Variants in PTK2 observed in about 807,000 individuals in gnomAD.
The protein encoded by PTK2 is focal adhesion kinase 1.
A neutral mutation model predicts 150.1 loss-of-function variants in PTK2; 45 were observed. That is an observed-to-expected ratio of 0.30 (90% CI 0.24 to 0.38). The LOEUF is 0.38. Among genes scored for constraint, PTK2 ranks in the 10% least tolerant of loss-of-function variants. PTK2 has a pLI of 1.00. For missense variants in PTK2, 919 were observed against 1,307.3 expected (o/e 0.70, Z 4.58); for synonymous variants, 432 against 449.2 (o/e 0.96, Z 0.48).
intron 4 of PTK2, among the ~76,000 whole-genome samples, chr8:140,866,201 C>G (rs752009413): frequency 2.6e-5 from 4 of 152,154 alleles, no homozygotes; most frequent in African/African-American, 9.7e-5. Flanking sequence ...TTCCAGTCAA[C>G]GATTCAAACA....
At chr8:140,796,574 C>G (rs1409873242) in intron 12 of PTK2, among the ~76,000 whole-genome samples, 1 of 152,100 alleles carries the variant, frequency 6.6e-6, no homozygotes, top group African/African-American at 2.4e-5. Context: ...AGGAGACTTT[C>G]TAAGTAGCTG....
intron 2 of PTK2, among the ~76,000 whole-genome samples, chr8:140,902,944 T>TTTG (rs2100159293): frequency 7.2e-6 from 1 of 139,412 alleles, no homozygotes; most frequent in Non-Finnish European, 1.5e-5. Flanking sequence ...TTTTTTTTTT[T>TTTG]TTTTTTTTTT....
intron 22 of PTK2, among the ~76,000 whole-genome samples, chr8:140,725,553 G>A (rs529614040): frequency 2.6e-5 from 4 of 152,196 alleles, no homozygotes; most frequent in Non-Finnish European, 5.9e-5. Context: ...AATAACCAGA[G>A]AAATGAGTTT....
intron 26 of PTK2, among the ~76,000 whole-genome samples, chr8:140,690,199 G>C (rs1031894280): frequency 2.0e-5 from 3 of 152,140 alleles, no homozygotes; most frequent in Non-Finnish European, 4.4e-5. Flanking sequence ...TGATCTGCCC[G>C]CCTCGGCCTC....
chr8:140,946,351 G>A (rs901573272), intron 1 of PTK2, among the ~76,000 whole-genome samples: 5 of 152,020 alleles, frequency 3.3e-5, no homozygotes, highest in Non-Finnish European at 4.4e-5. Flanking sequence ...ACGAAAATAC[G>A]GATCTAAACA....
At chr8:140,665,064 T>C (rs545251379) in intron 30 of PTK2, 67 bp from the exon 35 acceptor site, 1 of 1,386,986 alleles carries the variant, frequency 7.2e-7, no homozygotes, top group South Asian at 1.3e-5. Flanking sequence ...TTCAGTTATA[T>C]ATTTTTTTAT....
At chr8:140,934,947 A>G (rs2100173113) in intron 1 of PTK2, among the ~76,000 whole-genome samples, 1 of 152,216 alleles carries the variant, frequency 6.6e-6, no homozygotes, top group Non-Finnish European at 1.5e-5. Context: ...TTTATGCAGA[A>G]AAGGAGGACA....
chr8:140,676,765 TAAAAA>T (rs869199304), intron 27 of PTK2, among the ~76,000 whole-genome samples: 29 of 55,572 alleles, frequency 5.2e-4, no homozygotes, highest in East Asian at 2.1e-3. Flanking sequence ...GTCTCTACTT[TAAAAA>T]AAAAAAAAAA....
intron 29 of PTK2, 187 bp from the exon 33 acceptor site, chr8:140,669,922 C>T (rs545516428): frequency 3.1e-4 from 204 of 647,926 alleles, no homozygotes; most frequent in African/African-American, 3.0e-3. Flanking sequence ...GGCTACTGTG[C>T]CACCTGCTCA....
chr8:140,907,245 G>C (rs565388121), intron 2 of PTK2, among the ~76,000 whole-genome samples: 1 of 152,252 alleles, frequency 6.6e-6, no homozygotes, highest in Non-Finnish European at 1.5e-5. Context: ...TCTCTACTAT[G>C]AGTGAGTATC....
intron 22 of PTK2, among the ~76,000 whole-genome samples, chr8:140,733,248 A>C (rs1342529757): frequency 6.6e-6 from 1 of 152,186 alleles, no homozygotes; most frequent in Non-Finnish European, 1.5e-5. Flanking sequence ...CTGGCATAGA[A>C]GAGAATGTAA....
At chr8:140,738,187 T>C (rs939696968) in intron 21 of PTK2, among the ~76,000 whole-genome samples, 2 of 151,926 alleles carry the variant, frequency 1.3e-5, no homozygotes, top group African/African-American at 4.8e-5. Flanking sequence ...AGAGAAAGTG[T>C]AGGAAAGGTA....
chr8:140,986,829 A>G lies in PTK2; in HGVS notation c.-122+14296T>C, dbSNP rs2100193435. Among the ~76,000 whole-genome samples, 4 of 152,218 alleles carry G rather than the reference A, an allele frequency of 2.6e-5. No individual in the cohort carries two copies. The South Asian group carries it at 8.3e-4, about 32-fold the overall frequency. Reference sequence around the variant, plus strand: ...AGCGACCCTCATTCCAGGCCTCAAAAGAATCCTACAAATCATTTGGATCCA... The same window carrying G: ...AGCGACCCTCATTCCAGGCCTCAAAGGAATCCTACAAATCATTTGGATCCA... On this transcript the variant is annotated intron_variant, in intron 1 of 31. Coordinates refer to ENST00000522684, the Ensembl canonical transcript of PTK2.
intron 5 of PTK2, 118 bp downstream of exon 5, chr8:140,864,194 C>A: frequency 1.9e-6 from 1 of 539,188 alleles, no homozygotes; most frequent in Admixed American, 3.6e-5. Context: ...TATTGCCATT[C>A]AGCAACAAAT....
rs151005954 is a variant in PTK2 at position 140,841,209 on chromosome 8, T to TA, written c.593+5050dup. 3.3e-5 allele frequency among the ~76,000 whole-genome samples: 5 copies of TA among 152,202 alleles called. No individual in the cohort carries two copies. In the East Asian group the frequency reaches 9.6e-4, roughly 29 times the overall value. On this transcript the variant is annotated intron_variant, in intron 7 of 31. Transcript: ENST00000522684. The stretch of plus-strand genomic sequence containing the variant: ...ATAAAAACTGATCACACAAAGCAAA[T>TA]ACAACAAAATGTTAATAACTGTAGC...
chr8:140,847,519 G>A (rs1418143062), intron 5 of PTK2, among the ~76,000 whole-genome samples: 3 of 152,138 alleles, frequency 2.0e-5, no homozygotes, highest in African/African-American at 7.2e-5. Flanking sequence ...AATTGATTTT[G>A]ATGAGAGTAC....
rs1336614447 is a variant in PTK2 at position 140,739,054 on chromosome 8, G to A, written c.1789C>T (p.Arg597Ter). 3 of 1,576,440 alleles carry A rather than the reference G, an allele frequency of 1.9e-6. No homozygotes were observed. Among genetic ancestry groups the A allele is most frequent in the South Asian group, 1.2e-5 (1 of 84,070 alleles). The change falls in exon 21 of 32, where the codon CGA (arginine) becomes TGA (stop). Residue 597 changes from arginine to a stop codon, truncating the protein, a stop_gained. Coordinates refer to ENST00000522684, the Ensembl canonical transcript of PTK2. LOFTEE classifies it high-confidence loss of function. ...ACGTCACTAGCTGAGGTAAAACGTCGAAAATTGATTGACTCTGGAGCCATC... is the reference window on the plus strand; with the variant it reads ...ACGTCACTAGCTGAGGTAAAACGTCAAAAATTGATTGACTCTGGAGCCATC...
intron 3 of PTK2, among the ~76,000 whole-genome samples, chr8:140,885,833 T>C (rs1339233445): frequency 1.3e-5 from 2 of 151,954 alleles, no homozygotes; most frequent in Non-Finnish European, 2.9e-5. Flanking sequence ...GGGAGATGGG[T>C]GAGACTCTCA....
At chr8:140,992,626 T>C (rs1304990691) in intron 1 of PTK2, among the ~76,000 whole-genome samples, 1 of 152,174 alleles carries the variant, frequency 6.6e-6, no homozygotes, top group African/African-American at 2.4e-5. Context: ...TGAAAGCCCC[T>C]GGAGCTTACT....
Sources: gnomAD v4.1 joint callset for allele counts (sites outside exome capture counted in the v4.1 genomes callset) on GRCh38, gnomAD v4.1.1 for gene constraint, MANE v1.5 for transcripts, NCBI Gene and HGNC (gene_info 2026-07-23, HGNC 2026-07-21) for gene names.